Variants in FMN2 observed in about 807,000 individuals in gnomAD.
The protein encoded by FMN2 is formin-2.
FMN2 carries 51 observed loss-of-function variants against 142.3 expected under a neutral mutation model. That is an observed-to-expected ratio of 0.36 (90% CI 0.29 to 0.45). The LOEUF is 0.45. FMN2 is among the 20% of genes least tolerant of loss of function. The pLI, the probability that FMN2 is intolerant of heterozygous loss-of-function variation, is 1.00. For missense variants in FMN2, 1,936 were observed against 2,122.8 expected, an observed-to-expected ratio of 0.91 and a Z score of 1.73; for synonymous variants, 882 against 869.8, an observed-to-expected ratio of 1.01 and a Z score of -0.25.
At chr1:240,446,376 G>C (rs1675816215) in intron 16 of FMN2, among the ~76,000 whole-genome samples, 1 of 152,176 alleles carries the variant, frequency 6.6e-6, no homozygotes, top group African/African-American at 2.4e-5. Context: ...GTAAGGATTT[G>C]AACATTGTAG....
chr1:240,318,703 G>A (rs1453621150), intron 8 of FMN2, among the ~76,000 whole-genome samples: 1 of 152,174 alleles, frequency 6.6e-6, no homozygotes, highest in African/African-American at 2.4e-5. Flanking sequence ...ATCACATTAA[G>A]TACTTCATAG....
At chr1:240,151,085 A>C (rs1012225580) in intron 2 of FMN2, among the ~76,000 whole-genome samples, 1 of 152,196 alleles carries the variant, frequency 6.6e-6, no homozygotes, top group African/African-American at 2.4e-5. Flanking sequence ...CCCAATTGTT[A>C]TGTTGATTTA....
intron 16 of FMN2, among the ~76,000 whole-genome samples, chr1:240,459,662 A>T (rs1676370307): frequency 7.7e-6 from 1 of 130,234 alleles, no homozygotes; most frequent in South Asian, 2.7e-4. Context: ...AGTTGCAGTG[A>T]GCTGCTATCG....
chr1:240,143,058 C>A, intron 2 of FMN2: 1 of 1,499,072 alleles, frequency 6.7e-7, no homozygotes. Context: ...GTGGTAGGGG[C>A]AGAGGGTAAG....
intron 2 of FMN2, among the ~76,000 whole-genome samples, chr1:240,165,717 A>G (rs1664454451): frequency 6.6e-6 from 1 of 151,580 alleles, no homozygotes; most frequent in Non-Finnish European, 1.5e-5. Flanking sequence ...TTTGCCGGGG[A>G]CCTGGGGCAC....
intron 14 of FMN2, 57 bp downstream of exon 14, chr1:240,355,965 A>AAAAAAAAAAAAAAAAT (rs1672256018): frequency 2.3e-6 from 1 of 435,002 alleles, no homozygotes; most frequent in African/African-American, 5.1e-5. Context: ...AAAAAAAAAA[A>AAAAAAAAAAAAAAAAT]AAAAAAAAAA....
rs750538594 is a variant in FMN2, at chr1:240,326,350, A to C, written c.4216-2726A>C. Among the ~76,000 whole-genome samples, 114 of 152,328 alleles carry C rather than the reference A, an allele frequency of 7.5e-4. 1 individual carries two copies. The highest frequency in any genetic ancestry group is 1.3e-3 in the Non-Finnish European group (91 of 68,018). ...GAAGTGAGCAGAAATGGTCTAATAG[A>C]GTACAAGGTATAAAGGACTGTGCAA... On this transcript the variant is annotated intron_variant, in intron 8 of 17. Coordinates refer to ENST00000319653, the MANE Select transcript of FMN2 (RefSeq NM_020066.5).
intron 6 of FMN2, among the ~76,000 whole-genome samples, chr1:240,215,039 C>T (rs1420782961): frequency 6.6e-6 from 1 of 152,180 alleles, no homozygotes; most frequent in African/African-American, 2.4e-5. Flanking sequence ...TGCACTCCAG[C>T]CAGGGTGACA....
chr1:240,421,346 T>C (rs1270956528), intron 15 of FMN2, among the ~76,000 whole-genome samples: 4 of 152,198 alleles, frequency 2.6e-5, no homozygotes, highest in Admixed American at 2.6e-4. Flanking sequence ...ATTAACAATA[T>C]TTATTTAACA....
intron 2 of FMN2, among the ~76,000 whole-genome samples, chr1:240,130,882 G>A (rs543717129): frequency 2.6e-5 from 4 of 151,726 alleles, no homozygotes; most frequent in South Asian, 4.2e-4. Context: ...TATGACTTCC[G>A]CTTGTACTTC....
At chr1:240,355,618 C>A (rs1399520258) in intron 13 of FMN2, among the ~76,000 whole-genome samples, 198 bp from the exon 14 acceptor site, 2 of 152,102 alleles carry the variant, frequency 1.3e-5, no homozygotes, top group South Asian at 2.1e-4. Flanking sequence ...TGCATAATTT[C>A]TTTTTACAGC....
chr1:240,223,779 T>A (rs1388156480), intron 6 of FMN2, among the ~76,000 whole-genome samples: 2 of 152,218 alleles, frequency 1.3e-5, no homozygotes, highest in Non-Finnish European at 2.9e-5. Context: ...GGTAGAGGTG[T>A]TTATAGTATT....
intron 6 of FMN2, among the ~76,000 whole-genome samples, chr1:240,212,974 T>TG (rs1666752034): frequency 6.6e-6 from 1 of 152,206 alleles, no homozygotes; most frequent in South Asian, 2.1e-4. Flanking sequence ...TTTGTTTGTT[T>TG]TTTTGGCTAA....
At chr1:240,434,728 A>ATTTT (rs34969961) in intron 15 of FMN2, among the ~76,000 whole-genome samples, 4 of 130,760 alleles carry the variant, frequency 3.1e-5, no homozygotes, top group African/African-American at 8.7e-5. Context: ...CACCCTGCTA[A>ATTTT]TTTTTTTTTT....
chr1:240,218,038 A>G (rs1298637538), intron 6 of FMN2, among the ~76,000 whole-genome samples: 2 of 152,130 alleles, frequency 1.3e-5, no homozygotes, highest in African/African-American at 4.8e-5. Context: ...TAATCCCAGC[A>G]CTTTGGGAGG....
intron 2 of FMN2, 75 bp downstream of exon 2, chr1:240,123,420 A>C: frequency 6.9e-7 from 1 of 1,441,418 alleles, no homozygotes; most frequent in African/African-American, 1.4e-5. Context: ...GTATCTGCCC[A>C]GTCACCCTAT....
intron 3 of FMN2, among the ~76,000 whole-genome samples, chr1:240,180,983 C>T (rs943148730): frequency 1.3e-5 from 2 of 151,532 alleles, no homozygotes; most frequent in African/African-American, 2.4e-5. Flanking sequence ...GTGCTTCGTT[C>T]GTTGTTTTTT....
At chr1:240,343,365 A>G (rs114773452) in intron 13 of FMN2, among the ~76,000 whole-genome samples, 2 of 152,216 alleles carry the variant, frequency 1.3e-5, no homozygotes, top group Admixed American at 6.5e-5. Context: ...CTCTACAAAA[A>G]GTCACATAGT....
At chr1:240,412,213 A>G (rs1480230569) in intron 15 of FMN2, among the ~76,000 whole-genome samples, 3 of 152,192 alleles carry the variant, frequency 2.0e-5, no homozygotes, top group Non-Finnish European at 4.4e-5. Flanking sequence ...AATAATTACA[A>G]TGTATGCCTA....
Sources: gnomAD v4.1 joint callset for allele counts (sites outside exome capture counted in the v4.1 genomes callset) on GRCh38, gnomAD v4.1.1 for gene constraint, MANE v1.5 for transcripts, NCBI Gene and HGNC (gene_info 2026-07-23, HGNC 2026-07-21) for gene names.